The following MAP3K20 variants were observed in gnomAD, a reference collection of about 807,000 sequenced individuals.
MAP3K20 encodes HCCS-4.
MAP3K20 carries 40 observed loss-of-function variants against 85.7 expected under a neutral mutation model. The ratio of observed to expected loss-of-function variants is 0.47; its 90% confidence interval spans 0.36 to 0.61. The LOEUF (loss-of-function observed/expected upper bound fraction) is 0.61, where lower values mean the gene tolerates loss of function less well. MAP3K20 is among the 20% of genes least tolerant of loss of function. The pLI is 0.00. For missense variants in MAP3K20, 817 were observed against 961.7 expected, an observed-to-expected ratio of 0.85 and a Z score of 1.99; for synonymous variants, 325 against 327.7, an observed-to-expected ratio of 0.99 and a Z score of 0.09.
At chr2:173,223,243 TCTGA>T (rs1361231663) in intron 11 of MAP3K20, 4 of 984,908 alleles carry the variant, frequency 4.1e-6, no homozygotes, top group Non-Finnish European at 4.8e-6. Flanking sequence ...GGGATCAGAG[TCTGA>T]CTGTCACTCA....
intron 3 of MAP3K20, among the ~76,000 whole-genome samples, chr2:173,182,427 T>C (rs2106265110): frequency 6.6e-6 from 1 of 152,380 alleles, no homozygotes; most frequent in African/African-American, 2.4e-5. Context: ...TGTGCTTAAA[T>C]TTTGAGAGCT....
intron 11 of MAP3K20, among the ~76,000 whole-genome samples, chr2:173,227,777 C>A (rs78996832): frequency 6.6e-6 from 1 of 152,198 alleles, no homozygotes. Context: ...TCCCCTCCCC[C>A]CAACCCAGTT....
At chr2:173,134,407 TATATATATATATATA>T (rs1688722876) in intron 2 of MAP3K20, among the ~76,000 whole-genome samples, 3 of 10,448 alleles carry the variant, frequency 2.9e-4, no homozygotes, top group Non-Finnish European at 7.0e-4. Flanking sequence ...TATATATATA[TATATATATATATATA>T]TATATATTTT....
intron 1 of MAP3K20, among the ~76,000 whole-genome samples, chr2:173,086,625 C>G (rs1376083650): frequency 6.6e-6 from 1 of 152,184 alleles, no homozygotes. Flanking sequence ...AGCAGTGATT[C>G]TGTGAAGAAC....
At chr2:173,250,757 G>A (rs549403049) in intron 16 of MAP3K20, among the ~76,000 whole-genome samples, 3 of 152,240 alleles carry the variant, frequency 2.0e-5, no homozygotes, top group African/African-American at 2.4e-5. Context: ...CAACCTATAC[G>A]CGCTGAAAGA....
intron 16 of MAP3K20, among the ~76,000 whole-genome samples, chr2:173,243,879 G>A (rs942159769): frequency 1.3e-5 from 2 of 152,134 alleles, no homozygotes; most frequent in Non-Finnish European, 2.9e-5. Context: ...GCCCGCCTCG[G>A]CCTCCCAAAG....
At chr2:173,134,388 C>CATATACA (rs1333117176) in intron 2 of MAP3K20, among the ~76,000 whole-genome samples, 2 of 43,430 alleles carry the variant, frequency 4.6e-5, no homozygotes, top group African/African-American at 1.9e-4. Flanking sequence ...GTGTGTGTCT[C>CATATACA]TATACATATA....
chr2:173,182,876 C>G lies in MAP3K20; in HGVS notation c.270C>G (p.Leu90=), dbSNP rs375218260. ...TAGAATATGCTTCTCTGGGATCACT[C>G]TATGATTACATTAACAGTAACAGAA... ...IVTEYASLGS[L]YDYINSNRSE... is the part of the protein sequence containing the mutation. Residue 90 remains leucine, a synonymous_variant, in exon 4 of 20, where the codon CTC becomes CTG. Coordinates refer to ENST00000375213, the MANE Select transcript of MAP3K20 (RefSeq NM_016653.3). 10 of 1,607,520 alleles carry G rather than the reference C, an allele frequency of 6.2e-6. No individual in the cohort carries two copies. The highest frequency in any genetic ancestry group is 8.5e-6 in the Non-Finnish European group (10 of 1,177,456).
rs565864109 is a variant in MAP3K20 at position 173,145,756 on chromosome 2, A to G, written c.160-24049A>G. On this transcript the variant is annotated intron_variant, in intron 2 of 19. Coordinates refer to ENST00000375213, the MANE Select transcript of MAP3K20 (RefSeq NM_016653.3). ...CCTATGAGTCATCAATTCAACTTAT[A>G]GGTGTTTACCCAATAGAATGAAAAC... 4.6e-5 allele frequency among the ~76,000 whole-genome samples: 7 copies of G among 152,312 alleles called. No individual in the cohort carries two copies. The East Asian group carries it at 1.3e-3, about 29-fold the overall frequency.
chr2:173,155,854 G>A (rs1187512502), intron 2 of MAP3K20, among the ~76,000 whole-genome samples: 1 of 152,174 alleles, frequency 6.6e-6, no homozygotes, highest in Non-Finnish European at 1.5e-5. Context: ...TTAATTATTA[G>A]CTGCTTACAC....
At position 173,213,334 on chromosome 2, in the gene MAP3K20, C is replaced by T. The variant is rs141749471; in HGVS notation, c.851+3499C>T. Among the ~76,000 whole-genome samples the T allele has an allele frequency of 2.6e-3, 391 of 152,310 alleles. 2 individuals carry two copies. The highest frequency in any genetic ancestry group is 8.5e-3 in the Admixed American group (130 of 15,294). ...CGTACAGTTGCCTAAGGGGCCTCCT[C>T]ATCTTTCAGGAACTGTTAATCCTGT... is the stretch of plus-strand genomic sequence containing the variant. On this transcript the variant is annotated intron_variant, in intron 10 of 19. Coordinates refer to ENST00000375213, the MANE Select transcript of MAP3K20 (RefSeq NM_016653.3).
chr2:173,086,227 T>C (rs1687142650), intron 1 of MAP3K20, among the ~76,000 whole-genome samples: 1 of 152,180 alleles, frequency 6.6e-6, no homozygotes, highest in South Asian at 2.1e-4. Context: ...TTTGAAAAAT[T>C]AGAACATAAT....
chr2:173,091,064 TA>T lies in MAP3K20; in HGVS notation c.36del (p.Lys12AsnfsTer33). 6.2e-7 allele frequency: 1 copy of T among 1,613,922 alleles called. No individual in the cohort carries two copies. Among genetic ancestry groups the T allele is most frequent in the South Asian group, 1.1e-5 (1 of 91,062 alleles). ...CTCTCGGTGCCTCCTTTGTGCAAAT[TA>T]AATTTGATGACTTGCAGTTTTTTGA... is the stretch of plus-strand genomic sequence containing the variant. ...SSLGASFVQI[K>X]FDDLQFFENC... On this transcript the variant is annotated frameshift_variant, in exon 2 of 20. Coordinates refer to ENST00000375213, the MANE Select transcript of MAP3K20 (RefSeq NM_016653.3). LOFTEE classifies it high-confidence loss of function.
chr2:173,099,367 TC>T (rs1262273768), intron 2 of MAP3K20, among the ~76,000 whole-genome samples: 1 of 150,592 alleles, frequency 6.6e-6, no homozygotes, highest in Non-Finnish European at 1.5e-5. Flanking sequence ...TCTCCCTCTG[TC>T]CCCCAGGCTG....
intron 11 of MAP3K20, chr2:173,221,778 T>C (rs1559287409): frequency 8.4e-7 from 1 of 1,188,942 alleles, no homozygotes; most frequent in Non-Finnish European, 1.0e-6. Context: ...TTATAGAAAT[T>C]TGTGATCCTA....
intron 16 of MAP3K20, among the ~76,000 whole-genome samples, chr2:173,251,914 C>A (rs1685048833): frequency 6.6e-6 from 1 of 152,074 alleles, no homozygotes; most frequent in African/African-American, 2.4e-5. Context: ...CCTGAATGAT[C>A]TTGGTCTTGA....
At chr2:173,182,988 G>A (rs757847848) in intron 4 of MAP3K20, 33 bp downstream of exon 4, 4 of 1,539,156 alleles carry the variant, frequency 2.6e-6, no homozygotes, top group African/African-American at 1.4e-5. Context: ...TATAGAATTA[G>A]TGGGGTGCAT....
intron 2 of MAP3K20, among the ~76,000 whole-genome samples, chr2:173,092,440 C>T (rs1241101898): frequency 6.6e-6 from 1 of 152,098 alleles, no homozygotes; most frequent in Non-Finnish European, 1.5e-5. Flanking sequence ...TTCTTTAAGT[C>T]CTTTATAGGA....
chr2:173,146,156 A>G (rs1451700334), intron 2 of MAP3K20, among the ~76,000 whole-genome samples: 3 of 152,120 alleles, frequency 2.0e-5, no homozygotes, highest in Non-Finnish European at 2.9e-5. Context: ...TACCTTATTC[A>G]CTTAAGGTCT....
Sources: gnomAD v4.1 joint callset for allele counts (sites outside exome capture counted in the v4.1 genomes callset) on GRCh38, gnomAD v4.1.1 for gene constraint, MANE v1.5 for transcripts, NCBI Gene and HGNC (gene_info 2026-07-23, HGNC 2026-07-21) for gene names.